NPM2: variants seen among roughly 807,000 people sequenced by gnomAD.
The protein encoded by NPM2 is nucleophosmin/nucleoplasmin 2.
In NPM2, 25 loss-of-function variants were observed where a neutral mutation model predicts 32.0. The observed-to-expected ratio is 0.78, with a 90% CI of 0.57 to 1.09. NPM2 has a LOEUF of 1.09. NPM2 is among the 50% of genes least tolerant of loss of function. The pLI, the probability that NPM2 is intolerant of heterozygous loss-of-function variation, is 0.00. For missense variants in NPM2, 282 were observed against 259.9 expected (o/e 1.08, Z -0.58); for synonymous variants, 111 against 94.2 (o/e 1.18, Z -1.04).
At chr8:22,032,117 G>A (rs567639187) in intron 5 of NPM2, among the ~76,000 whole-genome samples, 1 of 152,308 alleles carries the variant, frequency 6.6e-6, no homozygotes, top group African/African-American at 2.4e-5. Flanking sequence ...TTCTTGTGAG[G>A]ATTTAATGAG....
chr8:22,029,354 G>A (rs1800359822), intron 5 of NPM2, among the ~76,000 whole-genome samples: 1 of 152,138 alleles, frequency 6.6e-6, no homozygotes, highest in South Asian at 2.1e-4. Flanking sequence ...ACGTTGGCCA[G>A]GCTGGTCTTG....
intron 5 of NPM2, among the ~76,000 whole-genome samples, chr8:22,031,411 C>A (rs1461347336): frequency 6.6e-6 from 1 of 152,174 alleles, no homozygotes; most frequent in Non-Finnish European, 1.5e-5. Context: ...TGCCTGAGCC[C>A]AAGGCCTTGT....
At chr8:22,033,432 C>G (rs1460196536) in intron 6 of NPM2, among the ~76,000 whole-genome samples, 1 of 152,188 alleles carries the variant, frequency 6.6e-6, no homozygotes, top group Non-Finnish European at 1.5e-5. Context: ...TAGGCTGCAG[C>G]CCCTCACTTG....
At chr8:22,026,791 T>G (rs1800272122) in intron 5 of NPM2, among the ~76,000 whole-genome samples, 1 of 152,214 alleles carries the variant, frequency 6.6e-6, no homozygotes, top group African/African-American at 2.4e-5. Context: ...CCTACTGCAC[T>G]GGCTAGGCCC....
intron 5 of NPM2, among the ~76,000 whole-genome samples, chr8:22,031,168 A>G (rs1301049904): frequency 1.3e-5 from 2 of 152,180 alleles, no homozygotes; most frequent in Non-Finnish European, 2.9e-5. Flanking sequence ...AGGTACAGCT[A>G]TGGGGTATGG....
intron 5 of NPM2, among the ~76,000 whole-genome samples, chr8:22,027,019 C>G (rs1184065987): frequency 6.6e-6 from 1 of 152,150 alleles, no homozygotes; most frequent in African/African-American, 2.4e-5. Flanking sequence ...GTTCTTTAGT[C>G]CACGTGGTAA....
Position 22,034,490 on chromosome 8 carries a change from C to A in NPM2, c.532-20C>A. The A allele has an allele frequency of 6.2e-7, 1 of 1,605,882 alleles. No homozygotes were observed. Among genetic ancestry groups the A allele is most frequent in the Non-Finnish European group, 8.5e-7 (1 of 1,173,060 alleles). On this transcript the variant is annotated intron_variant, in intron 7 of 9. Coordinates refer to ENST00000518119, the MANE Select transcript of NPM2 (RefSeq NM_001286680.2). ...GGACTTTGTCTGAACTCTCATAATA[C>A]ACTGTTTTTTGGTTCCCAGAAAAAA...
chr8:22,025,810 C>T (rs776557924), intron 5 of NPM2, 38 bp downstream of exon 5: 137 of 1,612,436 alleles, frequency 8.5e-5, no homozygotes, highest in Non-Finnish European at 1.1e-4. Context: ...CTGCTGTCAG[C>T]CTCACCCTCA....
In NPM2 at chr8:22,025,459, C is replaced by A. The variant is rs1800210557; in HGVS notation, c.82C>A (p.Arg28=). 2.5e-6 allele frequency: 4 copies of A among 1,614,094 alleles called. No homozygotes were observed. Among genetic ancestry groups the A allele is most frequent in the Non-Finnish European group, 3.4e-6 (4 of 1,180,004 alleles). ...AGGCTGCGAGCTCAGTCAGGAGAGG[C>A]GGACTTGGACCTTCAGACCCCAGCT... ...LWGCELSQER[R]TWTFRPQLEG... is the part of the protein sequence containing the mutation. The change falls in exon 4 of 10, where the codon CGG becomes AGG. Residue 28 remains arginine (R), a synonymous_variant. Coordinates refer to ENST00000518119, the MANE Select transcript of NPM2 (RefSeq NM_001286680.2).
intron 2 of NPM2, 49 bp from the exon 3 acceptor site, chr8:22,025,167 G>GAGGGTC: frequency 4.0e-6 from 6 of 1,483,780 alleles, no homozygotes; most frequent in South Asian, 2.5e-5. Context: ...TCCTCCAGTC[G>GAGGGTC]AGGGTCAGGG....
chr8:22,036,499 C>A lies in NPM2; in HGVS notation c.573C>A (p.Ser191Arg). Reference sequence around the variant, plus strand: ...CCGCTCCACCCTGTTGCAGAGCCAGCGTTAGAGACAAGAGCCCTGTGAAAA... The same window carrying A: ...CCGCTCCACCCTGTTGCAGAGCCAGAGTTAGAGACAAGAGCCCTGTGAAAA... ...LEKEEEEIRA[S>R]VRDKSPVKKA... Residue 191 changes from serine (S) to arginine (R), a missense_variant, in exon 9 of 10, where the codon AGC (serine) becomes AGA (arginine). Transcript: ENST00000518119. 6.2e-7 allele frequency: 1 copy of A among 1,604,782 alleles called. No homozygotes were observed. Among genetic ancestry groups the A allele is most frequent in the Middle Eastern group, 1.7e-4 (1 of 6,052 alleles).
chr8:22,027,603 CTT>C lies in NPM2; in HGVS notation c.270+1845_270+1846del, dbSNP rs542386619. On this transcript the variant is annotated intron_variant, in intron 5 of 9. Transcript: ENST00000518119. ...TTTTCCAGTTAGCCAAGACAAAGCT[CTT>C]TTTTTTTTTTTTTCCCCTGAGATGG... Among the ~76,000 whole-genome samples the C allele has an allele frequency of 1.5e-3, 221 of 143,246 alleles. 1 individual carries two copies. Among genetic ancestry groups the C allele is most frequent in the African/African-American group, 5.3e-3 (207 of 39,344 alleles). 94.0% of individuals were successfully genotyped at this position (143,246 alleles called of 152,430 possible).
At position 22,034,501 on chromosome 8, in the gene NPM2, G is replaced by A; in HGVS notation, c.532-9G>A. The A allele has an allele frequency of 6.8e-6, 11 of 1,607,136 alleles. No individual in the cohort carries two copies. The highest frequency in any genetic ancestry group is 9.4e-6 in the Non-Finnish European group (11 of 1,176,184). On this transcript the variant is annotated splice_polypyrimidine_tract_variant and intron_variant, in intron 7 of 9. Transcript: ENST00000518119. Reference sequence around the variant, plus strand: ...GAACTCTCATAATACACTGTTTTTTGGTTCCCAGAAAAAAAAGCTGGAAAA... The same window carrying A: ...GAACTCTCATAATACACTGTTTTTTAGTTCCCAGAAAAAAAAGCTGGAAAA...
chr8:22,035,593 C>T (rs1338457540), intron 8 of NPM2, among the ~76,000 whole-genome samples: 1 of 152,184 alleles, frequency 6.6e-6, no homozygotes, highest in African/African-American at 2.4e-5. Flanking sequence ...ATAGTTCATA[C>T]AGCAGGACAT....
At position 22,025,169 on chromosome 8, in the gene NPM2, G is replaced by C. The variant is rs1416188371; in HGVS notation, c.-33-47G>C. 3.4e-6 allele frequency: 5 copies of C among 1,487,106 alleles called. No individual in the cohort carries two copies. In the Admixed American group the frequency reaches 1.1e-4, roughly 33 times the overall value. The allele number at this position is 1,487,106 out of a possible 1,614,324, so 92.1% of individuals were successfully genotyped here. On this transcript the variant is annotated intron_variant, in intron 2 of 9. Coordinates refer to ENST00000518119, the MANE Select transcript of NPM2 (RefSeq NM_001286680.2). The stretch of plus-strand genomic sequence containing the variant: ...CTGGTCTCTGGCATCCTCCAGTCGA[G>C]GGTCAGGGTCAGGGAGCAAGGCCTC...
At chr8:22,026,670 G>A (rs1800266924) in intron 5 of NPM2, among the ~76,000 whole-genome samples, 1 of 152,134 alleles carries the variant, frequency 6.6e-6, no homozygotes, top group African/African-American at 2.4e-5. Flanking sequence ...GCCCAGGCTA[G>A]TCTCGAACTC....
chr8:22,029,610 C>G (rs955917422), intron 5 of NPM2, among the ~76,000 whole-genome samples: 1 of 152,252 alleles, frequency 6.6e-6, no homozygotes, highest in East Asian at 1.9e-4. Flanking sequence ...CTAGCACCCA[C>G]TTCTTCCTTC....
At position 22,034,267 on chromosome 8, in the gene NPM2, G is replaced by C. The variant is rs750538427; in HGVS notation, c.523G>C (p.Val175Leu). The C allele has an allele frequency of 1.3e-6, 2 of 1,589,828 alleles. No homozygotes were observed. The highest frequency in any genetic ancestry group is 1.7e-6 in the Non-Finnish European group (2 of 1,168,370). The change falls in exon 7 of 10, where the codon GTG (valine) becomes CTG (leucine). Residue 175 changes from valine to leucine, a missense_variant. Val to Leu is a conservative substitution (Grantham distance 32). Coordinates refer to ENST00000518119, the MANE Select transcript of NPM2 (RefSeq NM_001286680.2). ...KRLVPQKQAS[V>L]AKKKKLEKEE... is the part of the protein sequence containing the mutation. ...GCTGGTGCCCCAGAAGCAGGCGAGC[G>C]TGGCTAAGGTGGGGGAAGGAGCGTG...
rs894126804 is a variant in NPM2 at position 22,036,299 on chromosome 8, G to T, written c.567-194G>T. ...TTGTGATAACTAAATGAAGATGGAA[G>T]CCTAAGGAAAACACATATGCGTATG... On this transcript the variant is annotated intron_variant, in intron 8 of 9. Transcript: ENST00000518119. The T allele has an allele frequency of 1.5e-5, 8 of 551,064 alleles. No individual in the cohort carries two copies. The African/African-American group carries it at 1.5e-4, about 11-fold the overall frequency. 34.1% of individuals were successfully genotyped at this position (551,064 alleles called of 1,614,324 possible). A position where few individuals can be genotyped will look rare whatever the true frequency, so the allele number is the denominator to read the frequency against.
Sources: gnomAD v4.1 joint callset for allele counts (sites outside exome capture counted in the v4.1 genomes callset) on GRCh38, gnomAD v4.1.1 for gene constraint, MANE v1.5 for transcripts, NCBI Gene and HGNC (gene_info 2026-07-23, HGNC 2026-07-21) for gene names.